The following EIF4G3 variants were observed in gnomAD, a reference collection of about 807,000 sequenced individuals.
EIF4G3 encodes eukaryotic translation initiation factor 4 gamma 3.
Under a neutral mutation model 186.4 loss-of-function variants are expected in EIF4G3, and 34 were observed. The ratio of observed to expected loss-of-function variants is 0.18; its 90% CI spans 0.14 to 0.24. The LOEUF (loss-of-function observed/expected upper bound fraction) is 0.24, where lower values mean the gene tolerates loss of function less well. EIF4G3 is among the 10% of genes least tolerant of loss of function. The pLI is 1.00. For missense variants in EIF4G3, 1,536 were observed against 1,948.5 expected (o/e 0.79, Z 3.99); for synonymous variants, 673 against 679.5 (o/e 0.99, Z 0.15).
intron 2 of EIF4G3, among the ~76,000 whole-genome samples, chr1:21,152,561 T>TG (rs2097570239): frequency 6.6e-6 from 1 of 152,220 alleles, no homozygotes; most frequent in African/African-American, 2.4e-5. Flanking sequence ...TGTTTCCTAA[T>TG]GCAACTTCAA....
chr1:21,107,316 C>G (rs2096634724), intron 2 of EIF4G3, among the ~76,000 whole-genome samples: 1 of 152,140 alleles, frequency 6.6e-6, no homozygotes, highest in Non-Finnish European at 1.5e-5. Flanking sequence ...ACTGGGACTA[C>G]AGGCGTGTAC....
At chr1:21,122,671 T>G (rs1202503781) in intron 2 of EIF4G3, among the ~76,000 whole-genome samples, 1 of 152,214 alleles carries the variant, frequency 6.6e-6, no homozygotes, top group Non-Finnish European at 1.5e-5. Context: ...AGTTCAACTG[T>G]GATTCAATTA....
intron 30 of EIF4G3, among the ~76,000 whole-genome samples, chr1:20,839,139 G>A (rs932075601): frequency 3.9e-5 from 6 of 152,072 alleles, no homozygotes; most frequent in Admixed American, 6.6e-5. Flanking sequence ...CACCACGCCC[G>A]GCTAATTTTT....
At chr1:21,136,922 A>G (rs2097256451) in intron 2 of EIF4G3, among the ~76,000 whole-genome samples, 1 of 152,236 alleles carries the variant, frequency 6.6e-6, no homozygotes, top group Non-Finnish European at 1.5e-5. Context: ...GTAAGTGTAA[A>G]ACATACACTG....
At chr1:21,112,697 T>A (rs552925380) in intron 2 of EIF4G3, among the ~76,000 whole-genome samples, 1 of 152,202 alleles carries the variant, frequency 6.6e-6, no homozygotes, top group Non-Finnish European at 1.5e-5. Flanking sequence ...TTCTTTCTTA[T>A]AGCATTCAGC....
chr1:21,061,323 T>C (rs2094901744), intron 3 of EIF4G3, among the ~76,000 whole-genome samples: 1 of 152,206 alleles, frequency 6.6e-6, no homozygotes, highest in Non-Finnish European at 1.5e-5. Context: ...AACATTCAGA[T>C]TGTGAAGCAT....
chr1:21,044,170 A>G (rs1199264149), intron 4 of EIF4G3, among the ~76,000 whole-genome samples: 1 of 152,134 alleles, frequency 6.6e-6, no homozygotes, highest in Non-Finnish European at 1.5e-5. Flanking sequence ...CTTGGTGACA[A>G]ATCCTCCATT....
chr1:21,147,638 A>G (rs1305494980), intron 2 of EIF4G3, among the ~76,000 whole-genome samples: 1 of 152,132 alleles, frequency 6.6e-6, no homozygotes, highest in Non-Finnish European at 1.5e-5. Flanking sequence ...ACCTTTGCTA[A>G]GTTTTGAACC....
At chr1:21,176,125 G>T in intron 2 of EIF4G3, 50 bp downstream of exon 2, 2 of 337,198 alleles carry the variant, frequency 5.9e-6, no homozygotes, top group Non-Finnish European at 5.3e-6. Context: ...GGGTCCCCCT[G>T]GACTGCGACG....
intron 4 of EIF4G3, among the ~76,000 whole-genome samples, chr1:21,006,911 T>C (rs1381071838): frequency 6.6e-6 from 1 of 152,216 alleles, no homozygotes; most frequent in Non-Finnish European, 1.5e-5. Flanking sequence ...AAAACATTTA[T>C]ACAGCTTTTA....
At chr1:20,865,309 G>C in intron 20 of EIF4G3, 47 bp from the exon 21 acceptor site, 7 of 1,598,560 alleles carry the variant, frequency 4.4e-6, no homozygotes, top group Non-Finnish European at 5.1e-6. Flanking sequence ...ATTACTTAAA[G>C]ACATTAAAAA....
intron 35 of EIF4G3, among the ~76,000 whole-genome samples, chr1:20,811,328 GTCT>G (rs1469966678): frequency 9.2e-5 from 14 of 152,104 alleles, no homozygotes; most frequent in African/African-American, 2.9e-4. Flanking sequence ...GCCCAAGCTG[GTCT>G]TGAACTCTTG....
At chr1:20,812,071 C>T (rs1357032152) in intron 35 of EIF4G3, among the ~76,000 whole-genome samples, 3 of 152,094 alleles carry the variant, frequency 2.0e-5, no homozygotes, top group Admixed American at 6.6e-5. Flanking sequence ...AAGACACATA[C>T]GGGTTTATAT....
chr1:20,956,896 G>A (rs1429808547), intron 12 of EIF4G3, among the ~76,000 whole-genome samples: 2 of 152,102 alleles, frequency 1.3e-5, no homozygotes, highest in Admixed American at 6.5e-5. Context: ...GAGCCACCGC[G>A]CCTAGCCCTG....
Position 21,134,230 on chromosome 1 carries a change from T to C in EIF4G3, c.-272+41945A>G, listed in dbSNP as rs559864221. ...ACTTAATAACTCTCCAGAAATACAA[T>C]GTTGGAGCTAAGTTCAGAAAATATC... On this transcript the variant is annotated intron_variant, in intron 2 of 36. Transcript: ENST00000602326. Among the ~76,000 whole-genome samples the C allele has an allele frequency of 2.8e-4, 42 of 152,312 alleles. No individual in the cohort carries two copies. In the Middle Eastern group the frequency reaches 0.01, roughly 37 times the overall value.
At chr1:20,958,642 A>T (rs1156477791) in intron 12 of EIF4G3, among the ~76,000 whole-genome samples, 1 of 152,198 alleles carries the variant, frequency 6.6e-6, no homozygotes, top group Non-Finnish European at 1.5e-5. Context: ...CTGTATACCT[A>T]GAAAACCCTA....
At chr1:21,129,184 G>A (rs767191962) in intron 2 of EIF4G3, among the ~76,000 whole-genome samples, 4 of 151,892 alleles carry the variant, frequency 2.6e-5, no homozygotes, top group Admixed American at 6.6e-5. Flanking sequence ...GCGTGGTGGC[G>A]GGTGCCTGTA....
At chr1:20,961,159 C>T (rs547757387) in intron 12 of EIF4G3, among the ~76,000 whole-genome samples, 26 of 152,058 alleles carry the variant, frequency 1.7e-4, no homozygotes, top group African/African-American at 4.8e-4. Flanking sequence ...CCGAGGTGGG[C>T]GGATCATGAG....
At chr1:20,834,959 T>A (rs1005581455) in intron 30 of EIF4G3, among the ~76,000 whole-genome samples, 2 of 152,192 alleles carry the variant, frequency 1.3e-5, no homozygotes, top group African/African-American at 4.8e-5. Context: ...TTCTCCCCAA[T>A]AGATCATATG....
Sources: allele counts gnomAD v4.1 joint callset (sites outside exome capture counted in the v4.1 genomes callset), GRCh38; gene constraint gnomAD v4.1.1; transcripts MANE v1.5; gene names NCBI Gene and HGNC (gene_info 2026-07-23, HGNC 2026-07-21).